Variants in GRIA2 observed in about 807,000 individuals in gnomAD.
GRIA2 encodes glutamate ionotropic receptor AMPA type subunit 2.
A neutral mutation model predicts 97.3 loss-of-function variants in GRIA2; 14 were observed. The ratio of observed to expected loss-of-function variants is 0.14; its 90% CI spans 0.10 to 0.23. GRIA2 has a LOEUF of 0.23. Ranked by LOEUF, GRIA2 falls within the 10% of genes least tolerant of loss-of-function variation. The pLI is 1.00. For missense variants in GRIA2, 558 were observed against 1,069.8 expected (o/e 0.52, Z 6.67); for synonymous variants, 412 against 387.8 (o/e 1.06, Z -0.73).
intron 11 of GRIA2, among the ~76,000 whole-genome samples, chr4:157,339,873 T>G (rs1735472483): frequency 1.3e-5 from 2 of 151,920 alleles, no homozygotes; most frequent in Admixed American, 6.6e-5. Flanking sequence ...TAAAATATAT[T>G]TAATATCCTT....
At chr4:157,227,578 C>T (rs973025426) in intron 2 of GRIA2, among the ~76,000 whole-genome samples, 1 of 152,090 alleles carries the variant, frequency 6.6e-6, no homozygotes, top group Non-Finnish European at 1.5e-5. Flanking sequence ...TAAACATTTT[C>T]TTATGTGAGC....
intron 1 of GRIA2, 144 bp downstream of exon 1, chr4:157,221,274 T>A (rs1424173112): frequency 1.7e-5 from 11 of 635,712 alleles, no homozygotes; most frequent in Admixed American, 2.7e-5. Flanking sequence ...AATATACATG[T>A]TTTTCTTAGG....
At chr4:157,353,665 A>G (rs1191844932) in intron 12 of GRIA2, among the ~76,000 whole-genome samples, 1 of 152,170 alleles carries the variant, frequency 6.6e-6, no homozygotes, top group East Asian at 1.9e-4. Flanking sequence ...CCTGGGCTAC[A>G]GAGCCAGACT....
chr4:157,312,304 T>C (rs937039202), intron 3 of GRIA2, among the ~76,000 whole-genome samples: 5 of 152,074 alleles, frequency 3.3e-5, no homozygotes. Context: ...GACTAAACAA[T>C]TTTTTTCCAT....
chr4:157,248,742 T>C (rs931368924), intron 2 of GRIA2, among the ~76,000 whole-genome samples: 2 of 141,596 alleles, frequency 1.4e-5, no homozygotes, highest in Non-Finnish European at 3.1e-5. Flanking sequence ...CGTATGTATA[T>C]ATATATACCG....
chr4:157,338,975 C>A (rs750011656), intron 11 of GRIA2, among the ~76,000 whole-genome samples: 1 of 151,776 alleles, frequency 6.6e-6, no homozygotes, highest in Non-Finnish European at 1.5e-5. Flanking sequence ...AATTATGATT[C>A]TTTTCCAAGT....
At chr4:157,243,087 CAG>C (rs1730577282) in intron 2 of GRIA2, among the ~76,000 whole-genome samples, 1 of 152,030 alleles carries the variant, frequency 6.6e-6, no homozygotes, top group African/African-American at 2.4e-5. Flanking sequence ...CACAAGAAGG[CAG>C]AGTGTTGCCT....
chr4:157,266,995 T>C (rs913189502), intron 2 of GRIA2, among the ~76,000 whole-genome samples: 1 of 151,940 alleles, frequency 6.6e-6, no homozygotes, highest in Non-Finnish European at 1.5e-5. Context: ...GAAGGATCAC[T>C]TGAGCCCAGG....
intron 6 of GRIA2, among the ~76,000 whole-genome samples, chr4:157,322,238 AGAGAGTGTGT>A (rs1379463426): frequency 8.2e-6 from 1 of 121,812 alleles, no homozygotes; most frequent in Non-Finnish European, 1.7e-5. Flanking sequence ...AAAGAGAGAG[AGAGAGTGTGT>A]GTGTGTGTGT....
At chr4:157,324,716 G>A (rs1393629947) in intron 6 of GRIA2, among the ~76,000 whole-genome samples, 2 of 152,100 alleles carry the variant, frequency 1.3e-5, no homozygotes, top group Non-Finnish European at 2.9e-5. Context: ...AGTTGCAAGA[G>A]GTAAGGTCCT....
rs891327380 is a variant in GRIA2 at position 157,235,688 on chromosome 4, AATTTTTCGC to A, written c.229+13884_229+13892del. Among the ~76,000 whole-genome samples the A allele has an allele frequency of 3.9e-4, 59 of 152,120 alleles. 1 individual carries two copies. Among genetic ancestry groups the A allele is most frequent in the African/African-American group, 1.3e-3 (56 of 41,558 alleles). ...AATTGCAGATCTGTTAAAAAGTTTC[AATTTTTCGC>A]ATCATATTTGGAGATGAAAATTTAT... On this transcript the variant is annotated intron_variant, in intron 2 of 15. Transcript: ENST00000264426.
At chr4:157,233,254 A>G (rs1730102222) in intron 2 of GRIA2, among the ~76,000 whole-genome samples, 3 of 152,180 alleles carry the variant, frequency 2.0e-5, no homozygotes, top group Admixed American at 1.3e-4. Context: ...AATGATTTTT[A>G]AAACCTGAGG....
intron 2 of GRIA2, among the ~76,000 whole-genome samples, chr4:157,230,195 T>C (rs1234870893): frequency 1.3e-5 from 2 of 152,212 alleles, no homozygotes; most frequent in African/African-American, 4.8e-5. Context: ...CTGTTTCAGA[T>C]TTAGCATTCA....
intron 12 of GRIA2, among the ~76,000 whole-genome samples, chr4:157,352,718 TAAAAAAAAA>T (rs571562254): frequency 1.1e-5 from 1 of 92,714 alleles, no homozygotes; most frequent in African/African-American, 4.5e-5. Context: ...AGACTCCATC[TAAAAAAAAA>T]AAAAAAAAAA....
At chr4:157,352,718 T>TAAA (rs571562254) in intron 12 of GRIA2, among the ~76,000 whole-genome samples, 14,098 of 92,296 alleles carry the variant, frequency 0.15, 1,590 homozygotes, top group African/African-American at 0.33. Flanking sequence ...AGACTCCATC[T>TAAA]AAAAAAAAAA....
chr4:157,303,173 G>C (rs970398379), intron 2 of GRIA2, among the ~76,000 whole-genome samples: 10 of 152,128 alleles, frequency 6.6e-5, no homozygotes, highest in African/African-American at 2.4e-4. Flanking sequence ...AAAGGAATTG[G>C]ATTATGTAGG....
At chr4:157,256,221 TATATAATATATA>T (rs1400249366) in intron 2 of GRIA2, among the ~76,000 whole-genome samples, 2 of 122,396 alleles carry the variant, frequency 1.6e-5, no homozygotes, top group Non-Finnish European at 3.3e-5. Context: ...TTATATATAA[TATATAATATATA>T]ATATATATAT....
chr4:157,263,266 G>A (rs902140759), intron 2 of GRIA2, among the ~76,000 whole-genome samples: 2 of 151,868 alleles, frequency 1.3e-5, no homozygotes, highest in South Asian at 4.1e-4. Flanking sequence ...AATACTCAAA[G>A]CAATAAGCAG....
At position 157,364,461 on chromosome 4, in the gene GRIA2, A is replaced by G. The variant is rs1736790581; in HGVS notation, c.*1030A>G. The G allele has an allele frequency of 6.6e-6, 1 of 151,538 alleles. No individual in the cohort carries two copies. Among genetic ancestry groups the G allele is most frequent in the South Asian group, 2.1e-4 (1 of 4,782 alleles). 9.4% of individuals were successfully genotyped at this position (151,538 alleles called of 1,614,324 possible). Reference sequence around the variant, plus strand: ...AGTAATATCTGAATATCTTTTTGACATGTCTAAATATATATATATATAAAG... The same window carrying G: ...AGTAATATCTGAATATCTTTTTGACGTGTCTAAATATATATATATATAAAG... On this transcript the variant is annotated 3_prime_UTR_variant, in exon 16 of 16. Transcript: ENST00000264426.
Sources: gnomAD v4.1 joint callset for allele counts (sites outside exome capture counted in the v4.1 genomes callset) on GRCh38, gnomAD v4.1.1 for gene constraint, MANE v1.5 for transcripts, NCBI Gene and HGNC (gene_info 2026-07-23, HGNC 2026-07-21) for gene names.